The following FAM107A variants were observed in gnomAD, a reference collection of about 807,000 sequenced individuals.
FAM107A encodes family with sequence similarity 107 member A.
FAM107A carries 19 observed loss-of-function variants against 13.7 expected under a neutral mutation model. The ratio of observed to expected loss-of-function variants is 1.38; its 90% CI spans 0.97 to 2.03. FAM107A has a LOEUF of 2.03. Among genes scored for constraint, FAM107A ranks in the 30% most tolerant of loss-of-function variants. FAM107A has a pLI of 0.00. For synonymous variants in FAM107A, 82 were observed against 74.5 expected (o/e 1.10, Z -0.52); for missense variants, 203 against 184.4 (o/e 1.10, Z -0.58).
intron 1 of FAM107A, among the ~76,000 whole-genome samples, chr3:58,600,160 A>C (rs1306832196): frequency 6.6e-6 from 1 of 152,072 alleles, no homozygotes; most frequent in African/African-American, 2.4e-5. Flanking sequence ...TTTGCCTGAC[A>C]GGGGAAACCC....
chr3:58,587,993 G>A, upstream of FAM107A, among the ~76,000 whole-genome samples: 1 of 152,140 alleles, frequency 6.6e-6, no homozygotes, highest in East Asian at 1.9e-4. Flanking sequence ...TGGGATACAT[G>A]AACGCAGGTG....
chr3:58,586,612 C>G (rs1185325698), intron 1 of FAM107A, among the ~76,000 whole-genome samples: 1 of 151,892 alleles, frequency 6.6e-6, no homozygotes, highest in Non-Finnish European at 1.5e-5. Flanking sequence ...TGGGGAGGAT[C>G]GCTTGAGCCC....
intron 1 of FAM107A, among the ~76,000 whole-genome samples, chr3:58,602,405 G>A (rs980414350): frequency 5.3e-5 from 8 of 152,186 alleles, no homozygotes; most frequent in African/African-American, 1.7e-4. Flanking sequence ...GGAAACGTGC[G>A]TTGAAAGCCC....
chr3:58,608,125 A>G (rs888432695), intron 1 of FAM107A, among the ~76,000 whole-genome samples: 2 of 152,154 alleles, frequency 1.3e-5, no homozygotes, highest in Admixed American at 6.5e-5. Context: ...CATGAGTCAC[A>G]TCACCACACT....
chr3:58,619,960 A>G (rs781387662), intron 1 of FAM107A, among the ~76,000 whole-genome samples: 27 of 151,884 alleles, frequency 1.8e-4, no homozygotes, highest in Non-Finnish European at 3.4e-4. Flanking sequence ...TGTGGGGGAA[A>G]CTGAGGGATT....
intron 1 of FAM107A, among the ~76,000 whole-genome samples, chr3:58,584,098 C>T (rs9811144): frequency 0.035 from 5,331 of 152,178 alleles, 328 homozygotes; most frequent in African/African-American, 0.12. Context: ...CACTTCCTGC[C>T]GCTCCCTGTG....
At chr3:58,594,805 A>G (rs2065684557) in intron 1 of FAM107A, among the ~76,000 whole-genome samples, 1 of 152,174 alleles carries the variant, frequency 6.6e-6, no homozygotes. Context: ...ACCTAAATCA[A>G]TCTGGCTTGA....
chr3:58,626,289 C>T (rs2066016229), intron 1 of FAM107A, among the ~76,000 whole-genome samples: 2 of 152,198 alleles, frequency 1.3e-5, no homozygotes, highest in African/African-American at 2.4e-5. Context: ...CTCCCCACCC[C>T]AGGATGCTGA....
chr3:58,591,716 TC>T (rs1374178766), upstream of FAM107A, among the ~76,000 whole-genome samples: 1 of 152,064 alleles, frequency 6.6e-6, no homozygotes, highest in Non-Finnish European at 1.5e-5. The surrounding 1 kb of genome is among the most constrained non-coding windows in gnomAD (Gnocchi z 4.3). Context: ...CATGCAGACT[TC>T]CCCTATGTTA....
At chr3:58,574,890 G>C (rs889709454) in intron 1 of FAM107A, among the ~76,000 whole-genome samples, 3 of 152,200 alleles carry the variant, frequency 2.0e-5, no homozygotes, top group African/African-American at 7.2e-5. Flanking sequence ...CTCCCACGGA[G>C]AGTGCACCGG....
upstream of FAM107A, among the ~76,000 whole-genome samples, chr3:58,580,535 C>G (rs533970301): frequency 1.3e-5 from 2 of 151,278 alleles, no homozygotes; most frequent in East Asian, 3.9e-4. Context: ...CCACCTCAGT[C>G]TCCCAAGTAG....
chr3:58,586,860 G>T lies in FAM107A; in HGVS notation c.77C>A (p.Ser26Ter), dbSNP rs1161552479. The T allele has an allele frequency of 1.2e-5, 19 of 1,530,038 alleles. No homozygotes were observed. The highest frequency in any genetic ancestry group is 1.6e-5 in the Non-Finnish European group (18 of 1,144,306). The allele number at this position is 1,530,038 out of a possible 1,614,324, so 94.8% of individuals were successfully genotyped here. The change falls in exon 1 of 4, where the codon TCG (serine) becomes TAG (stop). Residue 26 changes from serine to a stop codon, truncating the protein, a stop_gained and splice_region_variant. Coordinates refer to the FAM107A transcript ENST00000447756. LOFTEE classifies it high-confidence loss of function. ...AGGGTGGCGTTGCTCCCACTTACCC[G>T]ACCGGAGCAGCACAGCCCGGTAGAG... is the stretch of plus-strand genomic sequence containing the variant.
chr3:58,595,209 C>T (rs553354598), intron 1 of FAM107A, among the ~76,000 whole-genome samples: 9 of 152,084 alleles, frequency 5.9e-5, no homozygotes, highest in East Asian at 1.9e-4. Context: ...AAATTTTCAC[C>T]GCCCCAACCC....
chr3:58,622,651 G>T (rs1190704044), intron 1 of FAM107A, among the ~76,000 whole-genome samples: 1 of 152,246 alleles, frequency 6.6e-6, no homozygotes, highest in Non-Finnish European at 1.5e-5. Flanking sequence ...ATGCAGAGAA[G>T]TGTTGGCGGT....
At chr3:58,609,878 G>A (rs2065836632) in intron 1 of FAM107A, among the ~76,000 whole-genome samples, 1 of 152,234 alleles carries the variant, frequency 6.6e-6, no homozygotes, top group South Asian at 2.1e-4. Context: ...TCCCTAGAGG[G>A]TCGGGGCAGG....
upstream of FAM107A, among the ~76,000 whole-genome samples, chr3:58,590,210 C>T (rs1217505617): frequency 6.6e-6 from 1 of 152,216 alleles, no homozygotes; most frequent in Non-Finnish European, 1.5e-5. Context: ...TCTTGACACC[C>T]CAAGCCTCCA....
upstream of FAM107A, among the ~76,000 whole-genome samples, chr3:58,578,129 T>C (rs1559478283): frequency 6.6e-6 from 1 of 152,156 alleles, no homozygotes; most frequent in Non-Finnish European, 1.5e-5. Context: ...GTGAAGCACA[T>C]AGTCAAAGCT....
rs1438681080 is a variant in FAM107A at position 58,613,273 on chromosome 3, G to A, written c.-70+14143C>T. Among the ~76,000 whole-genome samples the A allele has an allele frequency of 6.6e-6, 1 of 152,178 alleles. No individual in the cohort carries two copies. Among genetic ancestry groups the A allele is most frequent in the Non-Finnish European group, 1.5e-5 (1 of 68,032 alleles). On this transcript the variant is annotated intron_variant, in intron 1 of 3. Coordinates refer to the FAM107A transcript ENST00000465970. This position sits in a 1 kb window ranked among gnomAD's most constrained non-coding sequence, Gnocchi z 4.6. Reference sequence around the variant, plus strand: ...AAACTGAGGCTGAGAGATCAAGGAGGTGGCCAAGGTTACAGAGCTAGTGAG... The same window carrying A: ...AAACTGAGGCTGAGAGATCAAGGAGATGGCCAAGGTTACAGAGCTAGTGAG...
intron 1 of FAM107A, among the ~76,000 whole-genome samples, chr3:58,585,651 G>A (rs2065598023): frequency 6.6e-6 from 1 of 152,220 alleles, no homozygotes; most frequent in Non-Finnish European, 1.5e-5. Flanking sequence ...CAAGGCAGAG[G>A]GTAGCTGGCC....
Sources: gnomAD v4.1 joint callset for allele counts (sites outside exome capture counted in the v4.1 genomes callset) on GRCh38, gnomAD v4.1.1 for gene constraint, Gnocchi (gnomAD v3.1) non-coding constraint, MANE v1.5 for transcripts, NCBI Gene and HGNC (gene_info 2026-07-23, HGNC 2026-07-21) for gene names.